RASGRF1: variants seen among roughly 807,000 people sequenced by gnomAD.
RASGRF1 encodes Ras protein specific guanine nucleotide releasing factor 1.
In RASGRF1, 40 loss-of-function variants were observed where a neutral mutation model predicts 138.7. The ratio of observed to expected loss-of-function variants is 0.29; its 90% confidence interval spans 0.22 to 0.38. The LOEUF (loss-of-function observed/expected upper bound fraction) is 0.38. RASGRF1 is among the 10% of genes least tolerant of loss of function. The pLI, the probability that RASGRF1 is intolerant of heterozygous loss-of-function variation, is 1.00. For synonymous variants in RASGRF1, 614 were observed against 663.2 expected (o/e 0.93, Z 1.14); for missense variants, 1,108 against 1,650.4 (o/e 0.67, Z 5.69).
chr15:79,057,917 C>A (rs190698110), intron 3 of RASGRF1, among the ~76,000 whole-genome samples: 1 of 152,324 alleles, frequency 6.6e-6, no homozygotes, highest in Admixed American at 6.5e-5. Context: ...ACTCTAATGA[C>A]CTACCAGTGA....
intron 3 of RASGRF1, among the ~76,000 whole-genome samples, chr15:79,054,406 G>C (rs1000702166): frequency 6.6e-6 from 1 of 152,204 alleles, no homozygotes; most frequent in Non-Finnish European, 1.5e-5. Context: ...CTGTGTCGTG[G>C]GTTGTAGGGA....
At chr15:79,035,669 AGG>A (rs1373983851) in intron 5 of RASGRF1, among the ~76,000 whole-genome samples, 3 of 152,330 alleles carry the variant, frequency 2.0e-5, no homozygotes, top group Admixed American at 2.0e-4. Flanking sequence ...ATTAGCACAG[AGG>A]GGGGCTGAAA....
At chr15:78,984,187 C>G (rs1037717939) in intron 23 of RASGRF1, among the ~76,000 whole-genome samples, 1 of 152,204 alleles carries the variant, frequency 6.6e-6, no homozygotes, top group Non-Finnish European at 1.5e-5. Flanking sequence ...GGGTCCCACA[C>G]AGCCCACCCA....
Position 79,004,033 on chromosome 15 carries a change from T to C in RASGRF1, c.2218A>G (p.Lys740Glu). Residue 740 changes from lysine to glutamate, a missense_variant, in exon 15 of 27, where the codon AAG (lysine) becomes GAG (glutamate). Physicochemically the swap from Lys to Glu is moderately conservative, Grantham distance 56. Coordinates refer to ENST00000558480, the MANE Select transcript of RASGRF1 (RefSeq NM_001145648.3). ...ATGATGGGGATGTTCAGGGAGAGCT[T>C]CCGCCGGCGGCTCGGTGACGATGTC... ...TKTSSPSRRRKLSLNIPIITG... is the reference protein window; with the variant it reads ...TKTSSPSRRRELSLNIPIITG... 1 of 1,613,932 alleles carries C rather than the reference T, an allele frequency of 6.2e-7. No homozygotes were observed. Among genetic ancestry groups the C allele is most frequent in the Admixed American group, 1.7e-5 (1 of 59,994 alleles).
chr15:78,992,249 G>T (rs1014724291), intron 20 of RASGRF1, among the ~76,000 whole-genome samples: 8 of 152,370 alleles, frequency 5.3e-5, no homozygotes, highest in African/African-American at 1.9e-4. Context: ...GAAACTAGCA[G>T]GTGTGGACTC....
intron 26 of RASGRF1, among the ~76,000 whole-genome samples, chr15:78,963,618 T>C (rs1039373533): frequency 3.9e-5 from 6 of 152,142 alleles, no homozygotes; most frequent in Admixed American, 2.0e-4. Context: ...TCTTATTATA[T>C]GTTTGGGAAT....
intron 26 of RASGRF1, among the ~76,000 whole-genome samples, chr15:78,971,168 C>T (rs575622501): frequency 1.3e-5 from 2 of 152,312 alleles, no homozygotes; most frequent in South Asian, 2.1e-4. Flanking sequence ...GCAGCACAGA[C>T]CCTGGGATCC....
At chr15:79,085,906 T>A (rs2057973126) in intron 1 of RASGRF1, among the ~76,000 whole-genome samples, 1 of 152,230 alleles carries the variant, frequency 6.6e-6, no homozygotes, top group Non-Finnish European at 1.5e-5. Context: ...TTCAGGCTTG[T>A]GGATGTACGA....
In RASGRF1 at chr15:79,058,382, C is replaced by T. The variant is rs2057538972; in HGVS notation, c.483G>A (p.Arg161=). 1.2e-6 allele frequency: 2 copies of T among 1,614,164 alleles called. No individual in the cohort carries two copies. The highest frequency in any genetic ancestry group is 2.2e-5 in the East Asian group (1 of 44,872). ...ETEKTVAKQL[R]QQIEDGEIEI... ...CGATCTCCCCATCCTCGATCTGCTG[C>T]CGAAGCTGCTTGGCCACGGTCTTCT... Residue 161 remains arginine, a synonymous_variant, in exon 3 of 27, where the codon CGG becomes CGA. Coordinates refer to ENST00000558480, the MANE Select transcript of RASGRF1 (RefSeq NM_001145648.3).
intron 23 of RASGRF1, 43 bp from the exon 24 acceptor site, chr15:78,980,742 G>A: frequency 1.4e-6 from 2 of 1,466,690 alleles, no homozygotes; most frequent in Non-Finnish European, 1.9e-6. Context: ...AGCACACGCT[G>A]TGATCCCCGA....
chr15:79,076,201 C>T (rs916638519), intron 1 of RASGRF1, among the ~76,000 whole-genome samples: 4 of 149,900 alleles, frequency 2.7e-5, no homozygotes, highest in African/African-American at 9.7e-5. Context: ...CCCATAGTCT[C>T]AATCCAGGCT....
intron 5 of RASGRF1, among the ~76,000 whole-genome samples, chr15:79,045,174 A>T (rs572509526): frequency 1.3e-5 from 2 of 152,318 alleles, no homozygotes; most frequent in East Asian, 3.9e-4. Context: ...TTTTGGTGCC[A>T]TCTGGGACCA....
chr15:79,048,821 G>A (rs1836098705), intron 4 of RASGRF1, among the ~76,000 whole-genome samples: 1 of 152,180 alleles, frequency 6.6e-6, no homozygotes, highest in African/African-American at 2.4e-5. Flanking sequence ...TCAACAAATA[G>A]GATTCCGTGG....
chr15:78,965,173 T>C (rs1016676668), intron 26 of RASGRF1, among the ~76,000 whole-genome samples: 1 of 151,934 alleles, frequency 6.6e-6, no homozygotes, highest in Non-Finnish European at 1.5e-5. Context: ...GTCAGCAGAG[T>C]AGGCTTGTCA....
In RASGRF1 at chr15:79,001,649, T is replaced by C. The variant is rs372167225; in HGVS notation, c.2575+13A>G. On this transcript the variant is annotated intron_variant, in intron 16 of 26. Coordinates refer to ENST00000558480, the MANE Select transcript of RASGRF1 (RefSeq NM_001145648.3). ...TGGAAATCTATTTGTGGTTTTGAAT[T>C]GGTGCATTGTACCTGAAGAATTTTT... The C allele has an allele frequency of 4.4e-5, 71 of 1,612,744 alleles. No individual in the cohort carries two copies. In the South Asian group the frequency reaches 6.1e-4, roughly 14 times the overall value.
chr15:79,085,261 G>A (rs1313354038), intron 1 of RASGRF1, among the ~76,000 whole-genome samples: 1 of 152,188 alleles, frequency 6.6e-6, no homozygotes, highest in African/African-American at 2.4e-5. Flanking sequence ...CATTTCAGGT[G>A]GAGGGAATGG....
At chr15:79,043,921 A>T (rs1050018136) in intron 5 of RASGRF1, among the ~76,000 whole-genome samples, 1 of 152,146 alleles carries the variant, frequency 6.6e-6, no homozygotes, top group African/African-American at 2.4e-5. Flanking sequence ...TGTGATAGGG[A>T]GCTCATTACT....
At chr15:79,033,692 C>A (rs1407553356) in intron 6 of RASGRF1, among the ~76,000 whole-genome samples, 1 of 140,286 alleles carries the variant, frequency 7.1e-6, no homozygotes, top group African/African-American at 2.7e-5. Flanking sequence ...TGGGTTCAAG[C>A]AATTCTCCTG....
In RASGRF1 at chr15:79,017,077, G is replaced by A. The variant is rs921116550; in HGVS notation, c.1743+693C>T. Among the ~76,000 whole-genome samples the A allele has an allele frequency of 5.9e-5, 9 of 152,314 alleles. No homozygotes were observed. The South Asian group carries it at 6.2e-4, about 11-fold the overall frequency. ...GGGCCTGTCCTGGGGCCTAAACCCCGGTGCTGCTGACAGCCTCTTTATAGA... is the reference window on the plus strand; with the variant it reads ...GGGCCTGTCCTGGGGCCTAAACCCCAGTGCTGCTGACAGCCTCTTTATAGA... On this transcript the variant is annotated intron_variant, in intron 12 of 26. Coordinates refer to ENST00000558480, the MANE Select transcript of RASGRF1 (RefSeq NM_001145648.3).
Sources: allele counts gnomAD v4.1 joint callset (sites outside exome capture counted in the v4.1 genomes callset), GRCh38; gene constraint gnomAD v4.1.1; transcripts MANE v1.5; gene names NCBI Gene and HGNC (gene_info 2026-07-23, HGNC 2026-07-21).